PTPRS: variants seen among roughly 807,000 people sequenced by gnomAD.
PTPRS encodes receptor-type tyrosine-protein phosphatase S.
In PTPRS, 63 loss-of-function variants were observed where a neutral mutation model predicts 215.3. The observed-to-expected ratio is 0.29, with a 90% CI of 0.24 to 0.36. The LOEUF (loss-of-function observed/expected upper bound fraction) is 0.36. Ranked by LOEUF, PTPRS falls within the 10% of genes least tolerant of loss-of-function variation. The probability of loss-of-function intolerance (pLI) is 1.00; values close to 1 mark genes in which losing one functional copy is unlikely to be tolerated. For synonymous variants in PTPRS, 1,404 were observed against 1,191.4 expected, an observed-to-expected ratio of 1.18 and a Z score of -3.68; for missense variants, 2,258 against 2,825.8, an observed-to-expected ratio of 0.80 and a Z score of 4.56.
intron 18 of PTPRS, 111 bp downstream of exon 18, chr19:5,222,578 G>C (rs532205951): frequency 7.2e-6 from 9 of 1,258,696 alleles, no homozygotes; most frequent in Non-Finnish European, 8.4e-6. Flanking sequence ...GAGTGACCAC[G>C]AGGAAGCAGA....
At chr19:5,263,707 G>A (rs2046194400) in intron 5 of PTPRS, among the ~76,000 whole-genome samples, 1 of 152,260 alleles carries the variant, frequency 6.6e-6, no homozygotes, top group Admixed American at 6.5e-5. Flanking sequence ...CACCACGTGT[G>A]TCCCCACGCA....
At chr19:5,286,019 G>T in intron 2 of PTPRS, 31 bp downstream of exon 2, 1 of 1,591,230 alleles carries the variant, frequency 6.3e-7, no homozygotes, top group South Asian at 1.1e-5. Context: ...CAAACACGCA[G>T]ACCCCTGCAC....
rs2050592092 is a variant in PTPRS, at chr19:5,338,835, C to G, written c.-95+1829G>C. 6.6e-6 allele frequency among the ~76,000 whole-genome samples: 1 copy of G among 152,190 alleles called. No individual in the cohort carries two copies. Among genetic ancestry groups the G allele is most frequent in the African/African-American group, 2.4e-5 (1 of 41,454 alleles). ...CAGAGGAGCGGGATGGCTTCCTTCT[C>G]CCGGGCGAAAGGCGGCAGAAAGAGG... On this transcript the variant is annotated intron_variant, in intron 1 of 37. Coordinates refer to ENST00000262963, the MANE Select transcript of PTPRS (RefSeq NM_002850.4). This position sits in a 1 kb window ranked among gnomAD's most constrained non-coding sequence, Gnocchi z 4.2.
intron 13 of PTPRS, 128 bp downstream of exon 13, chr19:5,238,791 C>A: frequency 7.8e-7 from 1 of 1,280,680 alleles, no homozygotes; most frequent in Non-Finnish European, 1.0e-6. Context: ...GGGAACAAAG[C>A]GGAGACAGGC....
intron 12 of PTPRS, among the ~76,000 whole-genome samples, chr19:5,239,810 C>T: frequency 6.6e-6 from 1 of 151,470 alleles, no homozygotes; most frequent in Middle Eastern, 3.2e-3. Context: ...AAAAAAAACA[C>T]ACAGAAAACA....
At chr19:5,308,501 C>A (rs2049577490) in intron 1 of PTPRS, among the ~76,000 whole-genome samples, 1 of 152,226 alleles carries the variant, frequency 6.6e-6, no homozygotes, top group African/African-American at 2.4e-5. Flanking sequence ...AGGCCCAGGG[C>A]AGCAGCCACA....
rs1599976537 is a variant in PTPRS at position 5,287,971 on chromosome 19, C to T, written c.-94-1737G>A. On this transcript the variant is annotated intron_variant, in intron 1 of 37. Transcript: ENST00000262963. This position sits in a 1 kb window ranked among gnomAD's most constrained non-coding sequence, Gnocchi z 4.8. ...GTCAGGCAGCAGAGACGGGCACACA[C>T]ACACACACACACACACACACACACA... Among the ~76,000 whole-genome samples, 2 of 28,546 alleles carry T rather than the reference C, an allele frequency of 7.0e-5. No homozygotes were observed. The highest frequency in any genetic ancestry group is 4.0e-4 in the African/African-American group (2 of 5,000). The allele number at this position is 28,546 out of a possible 152,430, so 18.7% of individuals were successfully genotyped here.
Position 5,236,430 on chromosome 19 carries a change from T to C in PTPRS, c.1849+2489A>G, listed in dbSNP as rs150334064. ...AGCTCAGATCTCAGCCTTGTGCTGG[T>C]TGGGTATGGCGGAAGCCACTCTCCC... On this transcript the variant is annotated intron_variant, in intron 13 of 37. Transcript: ENST00000262963. 9.2e-5 allele frequency among the ~76,000 whole-genome samples: 14 copies of C among 152,324 alleles called. No homozygotes were observed. The East Asian group carries it at 2.5e-3, about 27-fold the overall frequency.
chr19:5,321,256 G>C (rs1443842756), intron 1 of PTPRS, among the ~76,000 whole-genome samples: 2 of 152,162 alleles, frequency 1.3e-5, no homozygotes, highest in Non-Finnish European at 2.9e-5. Flanking sequence ...CTGGGCAACA[G>C]AGCAAGACCC....
intron 16 of PTPRS, among the ~76,000 whole-genome samples, chr19:5,227,711 ATG>A (rs2145564554): frequency 6.6e-6 from 1 of 152,190 alleles, no homozygotes. Context: ...TGCCCTGCCG[ATG>A]TGTGTTTTGT....
At chr19:5,228,319 C>T (rs1245146589) in intron 16 of PTPRS, among the ~76,000 whole-genome samples, 9 of 122,728 alleles carry the variant, frequency 7.3e-5, no homozygotes, top group Admixed American at 2.6e-4. Context: ...TACTCCAGCC[C>T]GGGCGATAGT....
rs775690657 is a variant in PTPRS at position 5,225,720 on chromosome 19, T to C, written c.2494+7A>G. On this transcript the variant is annotated splice_region_variant and intron_variant, in intron 17 of 37. Transcript: ENST00000262963. The stretch of plus-strand genomic sequence containing the variant: ...GTTGGTGGGTGGGAGGAGGGCGGGT[T>C]GCATACCTGCTCCCTTGGTCACAAC... 6.2e-7 allele frequency: 1 copy of C among 1,612,364 alleles called. No individual in the cohort carries two copies. The highest frequency in any genetic ancestry group is 2.2e-5 in the East Asian group (1 of 44,858).
In PTPRS at chr19:5,257,162, G is replaced by A. The variant is rs547069688; in HGVS notation, c.706+855C>T. Among the ~76,000 whole-genome samples the A allele has an allele frequency of 1.9e-4, 28 of 150,792 alleles. No homozygotes were observed. The South Asian group carries it at 5.6e-3, about 30-fold the overall frequency. On this transcript the variant is annotated intron_variant, in intron 8 of 37. Transcript: ENST00000262963. This position sits in a 1 kb window ranked among gnomAD's most constrained non-coding sequence, Gnocchi z 4.4. ...ACACACGAGATAAGAGGAGGCCAAC[G>A]GAGGCATCTGGGGGCAAGGGAGCCC...
chr19:5,249,114 C>G (rs1316205239), intron 9 of PTPRS, among the ~76,000 whole-genome samples: 2 of 152,180 alleles, frequency 1.3e-5, no homozygotes, highest in African/African-American at 4.8e-5. Context: ...AGTTGGAGAC[C>G]AGCCTGGCCA....
chr19:5,322,585 G>A (rs982927519), intron 1 of PTPRS, among the ~76,000 whole-genome samples: 1 of 152,108 alleles, frequency 6.6e-6, no homozygotes, highest in African/African-American at 2.4e-5. Flanking sequence ...CCAGCCCGCA[G>A]AAAGACCTCA....
chr19:5,216,865 G>C (rs373300758), intron 25 of PTPRS, 98 bp from the exon 26 acceptor site: 7 of 785,396 alleles, frequency 8.9e-6, no homozygotes, highest in East Asian at 2.7e-5. Flanking sequence ...CGGATGCAAA[G>C]GGCAGAGCAA....
chr19:5,302,060 G>C (rs1435395964), intron 1 of PTPRS, among the ~76,000 whole-genome samples: 1 of 151,410 alleles, frequency 6.6e-6, no homozygotes, highest in African/African-American at 2.4e-5. Context: ...AGGATTACAG[G>C]TGTGAGCCAC....
intron 26 of PTPRS, 65 bp from the exon 27 acceptor site, chr19:5,215,660 G>A: frequency 1.8e-6 from 2 of 1,096,758 alleles, no homozygotes; most frequent in Non-Finnish European, 2.7e-6. Flanking sequence ...ACTCGGGGGA[G>A]GGGGGTGATC....
rs148772383 is a variant in PTPRS, at chr19:5,237,187, G to A, written c.1849+1732C>T. On this transcript the variant is annotated intron_variant, in intron 13 of 37. Coordinates refer to ENST00000262963, the MANE Select transcript of PTPRS (RefSeq NM_002850.4). The surrounding 1 kb of genome is among the most constrained non-coding windows in gnomAD (Gnocchi z 4.2). Reference sequence around the variant, plus strand: ...CCAGCCCCCAGCGTGCGCACGCTGAGGTTCCAGGCTGGAGGCAGGAAGGTG... The same window carrying A: ...CCAGCCCCCAGCGTGCGCACGCTGAAGTTCCAGGCTGGAGGCAGGAAGGTG... 4.7e-3 allele frequency among the ~76,000 whole-genome samples: 720 copies of A among 152,324 alleles called. 3 individuals carry two copies. The highest frequency in any genetic ancestry group is 0.014 in the Middle Eastern group (4 of 294).
Sources: allele counts gnomAD v4.1 joint callset (sites outside exome capture counted in the v4.1 genomes callset), GRCh38; gene constraint gnomAD v4.1.1; non-coding constraint Gnocchi (gnomAD v3.1); transcripts MANE v1.5; gene names NCBI Gene and HGNC (gene_info 2026-07-23, HGNC 2026-07-21).